The following FGGY variants were observed in gnomAD, a reference collection of about 807,000 sequenced individuals.
FGGY encodes FGGY carbohydrate kinase domain-containing protein.
FGGY carries 72 observed loss-of-function variants against 71.3 expected under a neutral mutation model. The ratio of observed to expected loss-of-function variants is 1.01; its 90% CI spans 0.84 to 1.23. FGGY has a LOEUF of 1.23. FGGY is among the 50% of genes most tolerant of loss of function. The pLI is 0.00. For synonymous variants in FGGY, 251 were observed against 250.3 expected (o/e 1.00, Z -0.02); for missense variants, 668 against 682.3 (o/e 0.98, Z 0.23).
chr1:59,568,696 T>C (rs2095924099), intron 8 of FGGY, among the ~76,000 whole-genome samples: 1 of 152,122 alleles, frequency 6.6e-6, no homozygotes, highest in African/African-American at 2.4e-5. Flanking sequence ...CCACGTTTAA[T>C]AGATTATGAC....
At chr1:59,308,373 G>A (rs1357399861) in intron 1 of FGGY, among the ~76,000 whole-genome samples, 2 of 152,186 alleles carry the variant, frequency 1.3e-5, no homozygotes, top group Non-Finnish European at 1.5e-5. Flanking sequence ...TCAATACAGA[G>A]AAGGTCTTCC....
chr1:59,741,041 T>A (rs2098142829), intron 14 of FGGY, among the ~76,000 whole-genome samples: 2 of 151,728 alleles, frequency 1.3e-5, no homozygotes, highest in African/African-American at 4.9e-5. Flanking sequence ...CCAGTTCACT[T>A]ACACTTTTTT....
chr1:59,652,115 G>T (rs1416909247), intron 11 of FGGY, among the ~76,000 whole-genome samples: 1 of 152,170 alleles, frequency 6.6e-6, no homozygotes, highest in Non-Finnish European at 1.5e-5. Context: ...TTTCTGCCGA[G>T]AGATCAGCCG....
At chr1:59,644,809 C>T (rs1335870006) in intron 11 of FGGY, among the ~76,000 whole-genome samples, 1 of 152,058 alleles carries the variant, frequency 6.6e-6, no homozygotes, top group African/African-American at 2.4e-5. Flanking sequence ...AACCCCGTCT[C>T]TACTAAAAAT....
At chr1:59,339,697 T>G (rs1468908643) in intron 2 of FGGY, among the ~76,000 whole-genome samples, 2 of 152,162 alleles carry the variant, frequency 1.3e-5, no homozygotes, top group East Asian at 3.9e-4. Context: ...ACTCCTGACC[T>G]TGTGATCTAC....
intron 14 of FGGY, chr1:59,680,789 G>C (rs1472923533): frequency 6.6e-6 from 1 of 152,128 alleles, no homozygotes; most frequent in Non-Finnish European, 1.5e-5. Context: ...GGACTCTGAA[G>C]CTCAGAAATG....
intron 8 of FGGY, among the ~76,000 whole-genome samples, chr1:59,571,830 CAA>C (rs1209209246): frequency 1.3e-5 from 2 of 151,914 alleles, no homozygotes. Flanking sequence ...GTGGAAGAAA[CAA>C]GACATGAAAG....
intron 6 of FGGY, among the ~76,000 whole-genome samples, chr1:59,463,961 C>A (rs1177496204): frequency 6.6e-6 from 1 of 152,178 alleles, no homozygotes; most frequent in South Asian, 2.1e-4. Context: ...ATCAACAAGA[C>A]AGAAGCTTAA....
At chr1:59,671,135 G>A (rs1477464092) in intron 13 of FGGY, among the ~76,000 whole-genome samples, 5 of 152,334 alleles carry the variant, frequency 3.3e-5, no homozygotes, top group South Asian at 2.1e-4. Flanking sequence ...CAGCCAAGAG[G>A]TTCTTTATAA....
At chr1:59,649,111 C>G (rs2153925752) in intron 11 of FGGY, among the ~76,000 whole-genome samples, 1 of 152,100 alleles carries the variant, frequency 6.6e-6, no homozygotes, top group East Asian at 1.9e-4. Context: ...TGGTCTATAT[C>G]TCTCTTTTGG....
intron 14 of FGGY, among the ~76,000 whole-genome samples, chr1:59,680,364 A>G (rs1272560513): frequency 6.6e-6 from 1 of 152,048 alleles, no homozygotes; most frequent in African/African-American, 2.4e-5. Context: ...ATAATAATTA[A>G]TAATTGAAAG....
intron 8 of FGGY, among the ~76,000 whole-genome samples, chr1:59,589,508 C>G (rs534033996): frequency 1.3e-5 from 2 of 152,258 alleles, no homozygotes; most frequent in Admixed American, 6.5e-5. Context: ...CACACCACAC[C>G]TATTCCAAAA....
intron 7 of FGGY, among the ~76,000 whole-genome samples, chr1:59,549,665 C>T (rs1016334782): frequency 1.3e-5 from 2 of 152,118 alleles, no homozygotes; most frequent in African/African-American, 4.8e-5. Flanking sequence ...AACACAAATG[C>T]GAGAACTCAG....
At chr1:59,564,249 G>A (rs1001681635) in intron 8 of FGGY, among the ~76,000 whole-genome samples, 26 of 152,140 alleles carry the variant, frequency 1.7e-4, no homozygotes, top group African/African-American at 6.0e-4. Flanking sequence ...CAGAGTGAAC[G>A]GGCAACCTAC....
intron 5 of FGGY, among the ~76,000 whole-genome samples, chr1:59,400,491 T>TACAAAGTACTTTAAATTTTA (rs1245232783): frequency 4.6e-4 from 70 of 152,188 alleles, no homozygotes; most frequent in Non-Finnish European, 8.2e-4. Context: ...AATTTTAAAG[T>TACAAAGTACTTTAAATTTTA]AAGCACAAAG....
intron 6 of FGGY, among the ~76,000 whole-genome samples, chr1:59,469,790 C>T (rs939550126): frequency 1.3e-5 from 2 of 152,124 alleles, no homozygotes; most frequent in Admixed American, 6.5e-5. Flanking sequence ...TGTTATCCCC[C>T]TCATTGTGTC....
At chr1:59,341,982 G>T (rs1232711118) in intron 3 of FGGY, among the ~76,000 whole-genome samples, 2 of 152,060 alleles carry the variant, frequency 1.3e-5, no homozygotes, top group Non-Finnish European at 2.9e-5. Context: ...TGGTGTTGGG[G>T]GCAGAGTTAG....
intron 14 of FGGY, among the ~76,000 whole-genome samples, chr1:59,696,466 T>G (rs916182707): frequency 6.6e-6 from 1 of 152,138 alleles, no homozygotes; most frequent in African/African-American, 2.4e-5. Context: ...CTAAAATGTG[T>G]GAAATAGTAC....
chr1:59,762,186 T>C (rs575983574), intron 15 of FGGY, among the ~76,000 whole-genome samples: 2 of 151,360 alleles, frequency 1.3e-5, no homozygotes, highest in South Asian at 4.2e-4. Context: ...GCCCCCCGGG[T>C]TCAAGCAATT....
Sources: gnomAD v4.1 joint callset for allele counts (sites outside exome capture counted in the v4.1 genomes callset) on GRCh38, gnomAD v4.1.1 for gene constraint, MANE v1.5 for transcripts, NCBI Gene and HGNC (gene_info 2026-07-23, HGNC 2026-07-21) for gene names.